Variants in AGBL1 observed in about 807,000 individuals in gnomAD.
AGBL1 encodes cytosolic carboxypeptidase 4.
In AGBL1, 130 loss-of-function variants were observed where a neutral mutation model predicts 118.9. The ratio of observed to expected loss-of-function variants is 1.09; its 90% CI spans 0.95 to 1.26. The LOEUF is 1.26. Ranked by LOEUF, AGBL1 falls within the 50% of genes most tolerant of loss-of-function variation. The probability of loss-of-function intolerance (pLI) is 0.00; values close to 1 mark genes in which losing one functional copy is unlikely to be tolerated. For synonymous variants in AGBL1, 555 were observed against 478.9 expected, an observed-to-expected ratio of 1.16 and a Z score of -2.08; for missense variants, 1,584 against 1,298.1, an observed-to-expected ratio of 1.22 and a Z score of -3.38.
intron 1 of AGBL1, among the ~76,000 whole-genome samples, chr15:86,082,744 G>A (rs1028331154): frequency 6.6e-6 from 1 of 152,214 alleles, no homozygotes; most frequent in Non-Finnish European, 1.5e-5. Context: ...TGTCCCGAAG[G>A]TCTGAGAATC....
At chr15:86,303,397 T>C (rs1174410638) in intron 17 of AGBL1, among the ~76,000 whole-genome samples, 1 of 152,138 alleles carries the variant, frequency 6.6e-6, no homozygotes, top group African/African-American at 2.4e-5. Flanking sequence ...TGAGACATCC[T>C]TGGTGACTGG....
intron 23 of AGBL1, among the ~76,000 whole-genome samples, chr15:86,982,303 T>G (rs192556354): frequency 6.6e-6 from 1 of 152,342 alleles, no homozygotes; most frequent in East Asian, 1.9e-4. Context: ...AATTATGTTT[T>G]GAAACTCACT....
chr15:86,298,350 A>C (rs1370470710), intron 17 of AGBL1, among the ~76,000 whole-genome samples: 1 of 122,018 alleles, frequency 8.2e-6, no homozygotes, highest in Non-Finnish European at 1.7e-5. Context: ...ATATATATGA[A>C]TATATTCTTA....
At chr15:86,476,552 C>T (rs1232673245) in intron 18 of AGBL1, among the ~76,000 whole-genome samples, 1 of 152,098 alleles carries the variant, frequency 6.6e-6, no homozygotes, top group Non-Finnish European at 1.5e-5. Flanking sequence ...ATATATGCAC[C>T]CAATACAGGA....
chr15:86,448,150 C>CA lies in AGBL1; in HGVS notation c.2555+50610dup, dbSNP rs577059373. On this transcript the variant is annotated intron_variant, in intron 18 of 22. Transcript: ENST00000614907. ...ACAGAGCAAGACCCTGTCTCAAAAA[C>CA]AAAAAATAAGAAGTATCGAAACAGA... Among the ~76,000 whole-genome samples, 10 of 151,894 alleles carry CA rather than the reference C, an allele frequency of 6.6e-5. 1 individual carries two copies. The South Asian group carries it at 2.1e-3, about 32-fold the overall frequency.
intron 18 of AGBL1, among the ~76,000 whole-genome samples, chr15:86,476,328 G>A (rs528468068): frequency 6.6e-6 from 1 of 152,248 alleles, no homozygotes; most frequent in East Asian, 1.9e-4. Context: ...GCTGTATTCA[G>A]GAGACCCATC....
intron 22 of AGBL1, among the ~76,000 whole-genome samples, chr15:86,700,240 A>G (rs1419986658): frequency 1.3e-5 from 2 of 151,860 alleles, no homozygotes; most frequent in African/African-American, 4.8e-5. Context: ...CTAAATGTTG[A>G]TAGTGGGAAT....
chr15:86,547,318 A>T (rs1419921528), intron 20 of AGBL1, among the ~76,000 whole-genome samples: 1 of 152,112 alleles, frequency 6.6e-6, no homozygotes, highest in Non-Finnish European at 1.5e-5. Flanking sequence ...AAAAAAATCT[A>T]CCATGGTCCA....
intron 22 of AGBL1, among the ~76,000 whole-genome samples, chr15:86,709,044 C>T (rs1006748889): frequency 5.9e-5 from 9 of 152,100 alleles, no homozygotes; most frequent in African/African-American, 2.2e-4. Flanking sequence ...TCTCAAAGCT[C>T]AAATGCCAAA....
chr15:86,094,440 T>G (rs943755420), intron 1 of AGBL1, among the ~76,000 whole-genome samples: 3 of 152,162 alleles, frequency 2.0e-5, no homozygotes, highest in Non-Finnish European at 4.4e-5. Context: ...AATGATGTTT[T>G]GTAGCTTCCC....
chr15:86,329,809 G>C (rs2080242768), intron 17 of AGBL1, among the ~76,000 whole-genome samples: 1 of 151,720 alleles, frequency 6.6e-6, no homozygotes, highest in Non-Finnish European at 1.5e-5. Context: ...CAGAGCACCT[G>C]TTTGCCTGGT....
intron 22 of AGBL1, among the ~76,000 whole-genome samples, chr15:86,712,838 C>CAGCAAGGGA (rs2086581976): frequency 6.6e-6 from 1 of 152,190 alleles, no homozygotes; most frequent in Admixed American, 6.5e-5. Flanking sequence ...AGGGCTGGAG[C>CAGCAAGGGA]TGAAGCTTAG....
chr15:87,031,383 T>C (rs1025000909), downstream of AGBL1, among the ~76,000 whole-genome samples: 1 of 151,946 alleles, frequency 6.6e-6, no homozygotes, highest in Non-Finnish European at 1.5e-5. Context: ...TAGGAATAAA[T>C]ATGTGGCTCC....
chr15:86,403,552 A>G (rs1013233089), intron 18 of AGBL1, among the ~76,000 whole-genome samples: 6 of 152,132 alleles, frequency 3.9e-5, no homozygotes, highest in African/African-American at 1.5e-4. Context: ...TGAAGACTTT[A>G]CAATAAGAGC....
intron 22 of AGBL1, among the ~76,000 whole-genome samples, chr15:86,687,847 G>A (rs2086088157): frequency 6.6e-6 from 1 of 152,010 alleles, no homozygotes; most frequent in South Asian, 2.1e-4. Context: ...CTGAAATATT[G>A]AGAGTGTGAG....
intron 18 of AGBL1, among the ~76,000 whole-genome samples, chr15:86,469,279 G>C (rs1072821): frequency 0.49 from 73,853 of 152,016 alleles, 18,448 homozygotes; most frequent in Non-Finnish European, 0.53. Context: ...ACCTTTGACT[G>C]ACTGCTTCTA....
intron 17 of AGBL1, among the ~76,000 whole-genome samples, chr15:86,330,983 T>C (rs2080259526): frequency 6.6e-6 from 1 of 152,094 alleles, no homozygotes; most frequent in African/African-American, 2.4e-5. Context: ...CCTGGCACTT[T>C]GGGAGGCCAA....
intron 17 of AGBL1, among the ~76,000 whole-genome samples, chr15:86,377,132 A>C (rs571363490): frequency 1.3e-5 from 2 of 152,300 alleles, no homozygotes; most frequent in African/African-American, 4.8e-5. Context: ...CCTAGCCTTC[A>C]CTTTGCAGTC....
chr15:86,284,204 A>C (rs116721457), intron 16 of AGBL1, among the ~76,000 whole-genome samples: 2,054 of 146,268 alleles, frequency 0.014, 57 homozygotes, highest in African/African-American at 0.046. Flanking sequence ...AAAAAAAAAA[A>C]CAAATGGAAG....
Sources: allele counts gnomAD v4.1 joint callset (sites outside exome capture counted in the v4.1 genomes callset), GRCh38; gene constraint gnomAD v4.1.1; transcripts MANE v1.5; gene names NCBI Gene and HGNC (gene_info 2026-07-23, HGNC 2026-07-21).